DNAAF4: variants seen among roughly 807,000 people sequenced by gnomAD.
DNAAF4 encodes dynein axonemal assembly factor 4.
In DNAAF4, 43 loss-of-function variants were observed where a neutral mutation model predicts 51.8. The observed-to-expected ratio is 0.83, with a 90% CI of 0.65 to 1.07. The LOEUF is 1.07. Ranked by LOEUF, DNAAF4 falls within the 50% of genes least tolerant of loss-of-function variation. DNAAF4 has a pLI of 0.00. For synonymous variants in DNAAF4, 194 were observed against 165.6 expected (o/e 1.17, Z -1.32); for missense variants, 581 against 493.0 (o/e 1.18, Z -1.69).
chr15:55,422,563 T>G (rs934557580), intron 7 of DNAAF4, among the ~76,000 whole-genome samples: 8 of 152,140 alleles, frequency 5.3e-5, no homozygotes, highest in Non-Finnish European at 1.0e-4. Flanking sequence ...ATTAGAAGAC[T>G]GTGAGGCCTG....
At chr15:55,433,873 T>TA (rs1369323039) in intron 8 of DNAAF4, among the ~76,000 whole-genome samples, 5 of 56,874 alleles carry the variant, frequency 8.8e-5, no homozygotes, top group Non-Finnish European at 1.5e-4. Context: ...ATATTATATA[T>TA]ATTACATATA....
chr15:55,476,237 C>T (rs2058333006), intron 4 of DNAAF4, among the ~76,000 whole-genome samples: 2 of 152,004 alleles, frequency 1.3e-5, no homozygotes. Flanking sequence ...GGATGCCAAG[C>T]CAGGAGGATC....
chr15:55,422,572 T>C (rs895452787), intron 7 of DNAAF4, among the ~76,000 whole-genome samples: 23 of 152,146 alleles, frequency 1.5e-4, no homozygotes, highest in Admixed American at 3.3e-4. Context: ...CTGTGAGGCC[T>C]GGAAGCCCAG....
chr15:55,457,648 A>G (rs1041401815), intron 5 of DNAAF4, among the ~76,000 whole-genome samples: 2 of 152,222 alleles, frequency 1.3e-5, no homozygotes, highest in Non-Finnish European at 2.9e-5. Context: ...CCTGCTCCAA[A>G]GAAGGAGAAA....
intron 6 of DNAAF4, chr15:55,442,670 A>C: frequency 6.6e-7 from 1 of 1,513,280 alleles, no homozygotes; most frequent in Non-Finnish European, 9.2e-7. Context: ...TTTATAAGTA[A>C]GCTTGTCGCC....
intron 8 of DNAAF4, among the ~76,000 whole-genome samples, chr15:55,433,484 G>C (rs1566999935): frequency 6.6e-6 from 1 of 151,458 alleles, no homozygotes; most frequent in East Asian, 2.0e-4. Context: ...AAATTAGCCG[G>C]GTATGATGGC....
rs763850771 is a variant in DNAAF4 at position 55,497,854 on chromosome 15, G to A, written c.129C>T (p.Asn43=). 6.2e-7 allele frequency: 1 copy of A among 1,610,348 alleles called. No individual in the cohort carries two copies. The highest frequency in any genetic ancestry group is 2.2e-5 in the East Asian group (1 of 44,834). ...ATGCCTCAAATAAAAATGGAGGAAA[G>A]TTGACCTATGCAGAAGGGTGAAAAC... ...VFCTENYLKV[N]FPPFLFEAFL... Residue 43 remains asparagine (N), a synonymous_variant, in exon 3 of 10, where the codon AAC becomes AAT. Coordinates refer to ENST00000321149, the MANE Select transcript of DNAAF4 (RefSeq NM_130810.4).
At chr15:55,418,736 T>C (rs1459634862) in intron 7 of DNAAF4, 10 of 526,274 alleles carry the variant, frequency 1.9e-5, no homozygotes, top group Non-Finnish European at 3.2e-5. Context: ...ACTTTTTAAA[T>C]GAAAATATGT....
In DNAAF4 at chr15:55,497,811, C is replaced by G. The variant is rs748339322; in HGVS notation, c.172G>C (p.Asp58His). ...LFEAFLYAPI[D>H]DESSKAKIGN... Reference sequence around the variant, plus strand: ...ATCTTTGCTTTGCTGCTCTCATCGTCTATGGGAGCATAAAGAAATGCCTCA... The same window carrying G: ...ATCTTTGCTTTGCTGCTCTCATCGTGTATGGGAGCATAAAGAAATGCCTCA... Residue 58 changes from aspartate (D) to histidine (H), a missense_variant, in exon 3 of 10, where the codon GAC (aspartate) becomes CAC (histidine). Coordinates refer to ENST00000321149, the MANE Select transcript of DNAAF4 (RefSeq NM_130810.4). The G allele has an allele frequency of 6.2e-7, 1 of 1,613,674 alleles. No homozygotes were observed. Among genetic ancestry groups the G allele is most frequent in the Admixed American group, 1.7e-5 (1 of 59,962 alleles).
Position 55,491,269 on chromosome 15 carries a change from G to C in DNAAF4, c.272-13C>G. On this transcript the variant is annotated splice_polypyrimidine_tract_variant and intron_variant, in intron 3 of 9. Transcript: ENST00000321149. The stretch of plus-strand genomic sequence containing the variant: ...ATCTCTTTGTCAACTAAAATGTACA[G>C]AATATTGCTAAATTAGAATTATGAC... 6.3e-7 allele frequency: 1 copy of C among 1,599,738 alleles called. No individual in the cohort carries two copies. Among genetic ancestry groups the C allele is most frequent in the Non-Finnish European group, 8.5e-7 (1 of 1,173,186 alleles).
intron 4 of DNAAF4, among the ~76,000 whole-genome samples, chr15:55,485,848 A>G (rs2058479794): frequency 6.6e-6 from 1 of 151,956 alleles, no homozygotes; most frequent in Non-Finnish European, 1.5e-5. Context: ...ACAAAAAATT[A>G]GATGGGCGTG....
intron 1 of DNAAF4, among the ~76,000 whole-genome samples, chr15:55,506,283 T>A (rs577623077): frequency 2.8e-4 from 42 of 152,332 alleles, no homozygotes; most frequent in African/African-American, 9.4e-4. Context: ...TTAATGTGAA[T>A]ACCTGCTTAT....
At position 55,484,417 on chromosome 15, in the gene DNAAF4, G is replaced by A. The variant is rs1203216184; in HGVS notation, c.405+6706C>T. 4.0e-5 allele frequency among the ~76,000 whole-genome samples: 6 copies of A among 151,326 alleles called. No individual in the cohort carries two copies. The East Asian group carries it at 5.9e-4, about 15-fold the overall frequency. The stretch of plus-strand genomic sequence containing the variant: ...GGAGAATGGCTTGAACCTGGGAGGC[G>A]GAGCTTGCAGTGAGCCGAGATCGCA... On this transcript the variant is annotated intron_variant, in intron 4 of 9. Transcript: ENST00000321149.
chr15:55,499,953 T>G (rs1485116877), intron 1 of DNAAF4, among the ~76,000 whole-genome samples: 2 of 152,180 alleles, frequency 1.3e-5, no homozygotes, highest in Non-Finnish European at 2.9e-5. Context: ...CACACCCAGT[T>G]TATAAATTGC....
intron 7 of DNAAF4, among the ~76,000 whole-genome samples, chr15:55,423,204 A>T (rs1431038897): frequency 4.0e-5 from 6 of 150,006 alleles, no homozygotes; most frequent in African/African-American, 1.5e-4. Flanking sequence ...AATATAGCAT[A>T]TTTTGTATTC....
chr15:55,504,039 C>T (rs1397856739), intron 1 of DNAAF4, among the ~76,000 whole-genome samples: 2 of 152,050 alleles, frequency 1.3e-5, no homozygotes, highest in Non-Finnish European at 2.9e-5. Flanking sequence ...TAGCCTCAGC[C>T]CAAAATCTCC....
chr15:55,476,656 G>A (rs2058338806), intron 4 of DNAAF4, among the ~76,000 whole-genome samples: 1 of 152,128 alleles, frequency 6.6e-6, no homozygotes, highest in South Asian at 2.1e-4. Context: ...GCTAAAACAA[G>A]GATGAACCTT....
At chr15:55,450,906 T>C (rs1193472918) in intron 5 of DNAAF4, among the ~76,000 whole-genome samples, 1 of 152,204 alleles carries the variant, frequency 6.6e-6, no homozygotes, top group Non-Finnish European at 1.5e-5. Context: ...AAGACCAGCC[T>C]GGCCAACATG....
chr15:55,476,127 G>T (rs1350997800), intron 4 of DNAAF4, among the ~76,000 whole-genome samples: 1 of 152,030 alleles, frequency 6.6e-6, no homozygotes, highest in South Asian at 2.1e-4. Flanking sequence ...GAAAACTGAG[G>T]GAGTATGTTG....
Sources: gnomAD v4.1 joint callset for allele counts (sites outside exome capture counted in the v4.1 genomes callset) on GRCh38, gnomAD v4.1.1 for gene constraint, MANE v1.5 for transcripts, NCBI Gene and HGNC (gene_info 2026-07-23, HGNC 2026-07-21) for gene names.